BATF3: variants seen among roughly 807,000 people sequenced by gnomAD.
The protein encoded by BATF3 is basic leucine zipper ATF-like transcription factor 3, also known as basic leucine zipper transcriptional factor ATF-like 3.
BATF3 carries 8 observed loss-of-function variants against 16.1 expected under a neutral mutation model. The ratio of observed to expected loss-of-function variants is 0.50; its 90% CI spans 0.29 to 0.90. The LOEUF is 0.90. Ranked by LOEUF, BATF3 falls within the 40% of genes least tolerant of loss-of-function variation. BATF3 has a pLI of 0.08. For synonymous variants in BATF3, 74 were observed against 72.7 expected (o/e 1.02, Z -0.09); for missense variants, 139 against 167.0 (o/e 0.83, Z 0.92).
At position 212,691,033 on chromosome 1, in the gene BATF3, C is replaced by T. The variant is rs372230482; in HGVS notation, c.196-4054G>A. On this transcript the variant is annotated intron_variant, in intron 2 of 2. Coordinates refer to ENST00000243440, the MANE Select transcript of BATF3 (RefSeq NM_018664.3). ...CATCCAGCAGCACACAAGACAGGCCCCCAACAACAAGGAATTATGCTGCCC... is the reference window on the plus strand; with the variant it reads ...CATCCAGCAGCACACAAGACAGGCCTCCAACAACAAGGAATTATGCTGCCC... Among the ~76,000 whole-genome samples the T allele has an allele frequency of 7.9e-5, 12 of 152,218 alleles. No individual in the cohort carries two copies. In the East Asian group the frequency reaches 1.9e-3, roughly 24 times the overall value.
chr1:212,688,463 C>T lies in BATF3; in HGVS notation c.196-1484G>A, dbSNP rs144217089. On this transcript the variant is annotated intron_variant, in intron 2 of 2. Coordinates refer to ENST00000243440, the MANE Select transcript of BATF3 (RefSeq NM_018664.3). ...GCTTTATCTGCATGTGCTGCTTCTC[C>T]GTCCGTCCTTGGATGATGATGGATG... is the stretch of plus-strand genomic sequence containing the variant. 5.1e-3 allele frequency among the ~76,000 whole-genome samples: 771 copies of T among 152,334 alleles called. 2 individuals carry two copies. The highest frequency in any genetic ancestry group is 8.5e-3 in the Non-Finnish European group (580 of 68,024).
intron 2 of BATF3, among the ~76,000 whole-genome samples, chr1:212,695,573 G>A (rs1179658415): frequency 6.6e-6 from 1 of 151,490 alleles, no homozygotes; most frequent in East Asian, 1.9e-4. Context: ...AGCCTGGGAG[G>A]TGGAGGCTGC....
rs1236476380 is a variant in BATF3 at position 212,699,363 on chromosome 1, C to G, written c.90+310G>C. On this transcript the variant is annotated intron_variant, in intron 1 of 2. Transcript: ENST00000243440. The surrounding 1 kb of genome is among the most constrained non-coding windows in gnomAD (Gnocchi z 4.4). ...GGCCCTCAGGGCAGTGCGGAGCCCA[C>G]GTGCCGGGGAGCACCGGCCATGCCC... Among the ~76,000 whole-genome samples the G allele has an allele frequency of 6.6e-6, 1 of 152,102 alleles. No individual in the cohort carries two copies. Among genetic ancestry groups the G allele is most frequent in the Non-Finnish European group, 1.5e-5 (1 of 67,990 alleles).
chr1:212,697,972 C>T (rs937145324), intron 1 of BATF3: 3 of 152,166 alleles, frequency 2.0e-5, no homozygotes, highest in Admixed American at 6.5e-5. Context: ...TTAATATTCA[C>T]GGAATGCAAA....
intron 2 of BATF3, among the ~76,000 whole-genome samples, 189 bp from the exon 3 acceptor site, chr1:212,687,168 T>C (rs908543257): frequency 3.3e-5 from 5 of 152,230 alleles, no homozygotes; most frequent in Non-Finnish European, 7.3e-5. Flanking sequence ...AAACAATTTA[T>C]TGAGGTATAA....
chr1:212,691,834 C>T (rs1490666944), intron 2 of BATF3, among the ~76,000 whole-genome samples: 3 of 152,234 alleles, frequency 2.0e-5, no homozygotes, highest in Non-Finnish European at 2.9e-5. Context: ...TGAGATGAGA[C>T]GAGACCCTGA....
chr1:212,698,361 A>G (rs978660565), intron 1 of BATF3: 2 of 152,238 alleles, frequency 1.3e-5, no homozygotes, highest in African/African-American at 4.8e-5. Flanking sequence ...TATTGTAAGC[A>G]TAATTCATTC....
chr1:212,694,932 T>A (rs1657090123), intron 2 of BATF3, among the ~76,000 whole-genome samples: 1 of 152,240 alleles, frequency 6.6e-6, no homozygotes, highest in Non-Finnish European at 1.5e-5. Context: ...GAAGGTCACC[T>A]CTCTGTGGAG....
Position 212,699,140 on chromosome 1 carries a change from G to A in BATF3, c.90+533C>T, listed in dbSNP as rs547658596. On this transcript the variant is annotated intron_variant, in intron 1 of 2. Coordinates refer to ENST00000243440, the MANE Select transcript of BATF3 (RefSeq NM_018664.3). This position sits in a 1 kb window ranked among gnomAD's most constrained non-coding sequence, Gnocchi z 4.4. The stretch of plus-strand genomic sequence containing the variant: ...ACTGCGCCGCTGTAAACGTTGCTAG[G>A]GGACAGCGAACTGGGAAGGGGCAAA... 2.6e-5 allele frequency among the ~76,000 whole-genome samples: 4 copies of A among 152,356 alleles called. No homozygotes were observed. In the South Asian group the frequency reaches 8.3e-4, roughly 32 times the overall value.
Position 212,686,681 on chromosome 1 carries a change from G to T in BATF3, c.*110C>A. 6.9e-7 allele frequency: 1 copy of T among 1,443,628 alleles called. No individual in the cohort carries two copies. The highest frequency in any genetic ancestry group is 9.1e-7 in the Non-Finnish European group (1 of 1,096,772). 89.4% of individuals were successfully genotyped at this position (1,443,628 alleles called of 1,614,324 possible). ...AGCTGGCTGGTCCTGGAGCTCCCAGGAGGAGGCCTGGCCACAGGTGCCCCC... is the reference window on the plus strand; with the variant it reads ...AGCTGGCTGGTCCTGGAGCTCCCAGTAGGAGGCCTGGCCACAGGTGCCCCC... On this transcript the variant is annotated 3_prime_UTR_variant, in exon 3 of 3. Coordinates refer to ENST00000243440, the MANE Select transcript of BATF3 (RefSeq NM_018664.3).
Position 212,689,266 on chromosome 1 carries a change from C to T in BATF3, c.196-2287G>A, listed in dbSNP as rs894089193. Among the ~76,000 whole-genome samples the T allele has an allele frequency of 6.6e-6, 1 of 152,210 alleles. No homozygotes were observed. Among genetic ancestry groups the T allele is most frequent in the African/African-American group, 2.4e-5 (1 of 41,458 alleles). On this transcript the variant is annotated intron_variant, in intron 2 of 2. Coordinates refer to ENST00000243440, the MANE Select transcript of BATF3 (RefSeq NM_018664.3). This position sits in a 1 kb window ranked among gnomAD's most constrained non-coding sequence, Gnocchi z 4.6. ...GCTCAGTGATTCCTCAGCCCTCATC[C>T]TCTGTTTCTTCTTTAACCCCATCCT...
chr1:212,695,847 G>A (rs1299079827), intron 2 of BATF3, among the ~76,000 whole-genome samples: 1 of 152,202 alleles, frequency 6.6e-6, no homozygotes, highest in African/African-American at 2.4e-5. Flanking sequence ...GGAGGGAAAA[G>A]GAATGGCTTA....
chr1:212,699,510 T>C lies in BATF3; in HGVS notation c.90+163A>G, dbSNP rs73079851. Among the ~76,000 whole-genome samples the C allele has an allele frequency of 0.16, 23,787 of 151,604 alleles. 2,041 individuals are homozygous for C. The highest frequency in any genetic ancestry group is 0.26 in the South Asian group (1,259 of 4,806). On this transcript the variant is annotated intron_variant, in intron 1 of 2. Coordinates refer to ENST00000243440, the MANE Select transcript of BATF3 (RefSeq NM_018664.3). The surrounding 1 kb of genome is among the most constrained non-coding windows in gnomAD (Gnocchi z 4.4). ...GACAGGGTCCCTGGATCGCCCCCAT[T>C]CCCCAACATCCCTACGCCCCTACCT...
rs546084288 is a variant in BATF3, at chr1:212,686,613, G to A, written c.*178C>T. ...TCTGCACAAGGGCTCTGTGAGTTTG[G>A]CGCCTGTTGGATGTCGGGCTGAGCC... On this transcript the variant is annotated 3_prime_UTR_variant, in exon 3 of 3. Coordinates refer to ENST00000243440, the MANE Select transcript of BATF3 (RefSeq NM_018664.3). 6.4e-5 allele frequency: 68 copies of A among 1,062,370 alleles called. No homozygotes were observed. The South Asian group carries it at 9.7e-4, about 15-fold the overall frequency. The allele number at this position is 1,062,370 out of a possible 1,614,324, so 65.8% of individuals were successfully genotyped here.
intron 2 of BATF3, among the ~76,000 whole-genome samples, chr1:212,692,004 C>T (rs566999216): frequency 6.6e-6 from 1 of 152,370 alleles, no homozygotes; most frequent in East Asian, 1.9e-4. Flanking sequence ...ACGTTAAGAA[C>T]TGCTTCTCAT....
At position 212,699,254 on chromosome 1, in the gene BATF3, G is replaced by GCA. The variant is rs1657203966; in HGVS notation, c.90+417_90+418dup. Among the ~76,000 whole-genome samples, 1 of 130,506 alleles carries GCA rather than the reference G, an allele frequency of 7.7e-6. No homozygotes were observed. Among genetic ancestry groups the GCA allele is most frequent in the Non-Finnish European group, 1.7e-5 (1 of 58,232 alleles). 85.6% of individuals were successfully genotyped at this position (130,506 alleles called of 152,430 possible). A position where few individuals can be genotyped will look rare whatever the true frequency, so the allele number is the denominator to read the frequency against. ...TCCGGCGTTCTCCATTCCCGCGGCA[G>GCA]CACCCCCCCCACCCGGGGGAATCCT... On this transcript the variant is annotated intron_variant, in intron 1 of 2. Coordinates refer to ENST00000243440, the MANE Select transcript of BATF3 (RefSeq NM_018664.3). This position sits in a 1 kb window ranked among gnomAD's most constrained non-coding sequence, Gnocchi z 4.4.
In BATF3 at chr1:212,686,606, G is replaced by A. The variant is rs2102399189; in HGVS notation, c.*185C>T. On this transcript the variant is annotated 3_prime_UTR_variant, in exon 3 of 3. Transcript: ENST00000243440. ...TGCTGGATCTGCACAAGGGCTCTGT[G>A]AGTTTGGCGCCTGTTGGATGTCGGG... is the stretch of plus-strand genomic sequence containing the variant. The A allele has an allele frequency of 5.1e-6, 5 of 984,506 alleles. No individual in the cohort carries two copies. The highest frequency in any genetic ancestry group is 5.8e-6 in the Non-Finnish European group (4 of 692,744). The allele number at this position is 984,506 out of a possible 1,614,324, so 61.0% of individuals were successfully genotyped here. A position where few individuals can be genotyped will look rare whatever the true frequency, so the allele number is the denominator to read the frequency against.
intron 1 of BATF3, chr1:212,697,708 T>C (rs1657164641): frequency 6.6e-6 from 1 of 152,272 alleles, no homozygotes; most frequent in Non-Finnish European, 1.5e-5. Flanking sequence ...ATTTTTTATG[T>C]GTCTTGAAAG....
intron 2 of BATF3, among the ~76,000 whole-genome samples, chr1:212,696,423 G>GGGGTGTGT (rs1553247485): frequency 6.7e-6 from 1 of 148,506 alleles, no homozygotes; most frequent in East Asian, 2.0e-4. Flanking sequence ...GTTTCTGTAG[G>GGGGTGTGT]GTGTGTGTGT....
Sources: gnomAD v4.1 joint callset for allele counts (sites outside exome capture counted in the v4.1 genomes callset) on GRCh38, gnomAD v4.1.1 for gene constraint, Gnocchi (gnomAD v3.1) non-coding constraint, MANE v1.5 for transcripts, NCBI Gene and HGNC (gene_info 2026-07-23, HGNC 2026-07-21) for gene names.